The following ABCA13 variants were observed in gnomAD, a reference collection of about 807,000 sequenced individuals.
ABCA13 encodes the protein ATP binding cassette subfamily A member 13.
ABCA13 carries 476 observed loss-of-function variants against 478.7 expected under a neutral mutation model. That is an observed-to-expected ratio of 0.99 (90% CI 0.92 to 1.07). The LOEUF is 1.07. Among genes scored for constraint, ABCA13 ranks in the 50% least tolerant of loss-of-function variants. The pLI is 0.00. For missense variants in ABCA13, 6,060 were observed against 5,910.6 expected (o/e 1.03, Z -0.83); for synonymous variants, 2,252 against 2,158.9 (o/e 1.04, Z -1.20).
At chr7:48,374,560 G>T in intron 34 of ABCA13, 144 bp downstream of exon 34, 1 of 700,478 alleles carries the variant, frequency 1.4e-6, no homozygotes, top group South Asian at 2.0e-5. Flanking sequence ...TTTCACTGTT[G>T]TATACACCTC....
chr7:48,311,866 C>G (rs985708071), intron 24 of ABCA13, among the ~76,000 whole-genome samples: 6 of 152,178 alleles, frequency 3.9e-5, no homozygotes, highest in Admixed American at 2.6e-4. Flanking sequence ...ATTTCTGAAG[C>G]CTTCAGCAAA....
At chr7:48,571,267 A>C (rs1186721278) in intron 55 of ABCA13, among the ~76,000 whole-genome samples, 1 of 152,188 alleles carries the variant, frequency 6.6e-6, no homozygotes, top group East Asian at 1.9e-4. Flanking sequence ...TGGTAATCTT[A>C]ACCAGTGCTT....
In ABCA13 at chr7:48,194,882, T is replaced by C. The variant is rs1797726887; in HGVS notation, c.163+1830T>C. 3.3e-5 allele frequency among the ~76,000 whole-genome samples: 5 copies of C among 152,224 alleles called. No individual in the cohort carries two copies. The South Asian group carries it at 8.3e-4, about 25-fold the overall frequency. ...ATTATTATTATCAATAAATATGTAT[T>C]GAGTGCCTTTTGTGTTTCAGGCTGA... On this transcript the variant is annotated intron_variant, in intron 2 of 61. Transcript: ENST00000435803.
chr7:48,410,918 A>ATTCT (rs1818928695), intron 40 of ABCA13, among the ~76,000 whole-genome samples: 1 of 152,202 alleles, frequency 6.6e-6, no homozygotes, highest in Non-Finnish European at 1.5e-5. Context: ...AGATAACAGG[A>ATTCT]GCTGCTGTGA....
rs1047832073 is a variant in ABCA13, at chr7:48,226,850, G to GT, written c.469-405dup. 1.3e-4 allele frequency among the ~76,000 whole-genome samples: 20 copies of GT among 152,168 alleles called. No individual in the cohort carries two copies. In the East Asian group the frequency reaches 3.9e-3, roughly 29 times the overall value. On this transcript the variant is annotated intron_variant, in intron 5 of 61. Coordinates refer to ENST00000435803, the MANE Select transcript of ABCA13 (RefSeq NM_152701.5). Reference sequence around the variant, plus strand: ...CCATCAGTGCTCAGTGAAATGTTGGGTTTTTTTGTTCATATTTGAATTACT... The same window carrying GT: ...CCATCAGTGCTCAGTGAAATGTTGGGTTTTTTTTGTTCATATTTGAATTACT...
At chr7:48,505,653 T>A (rs10499683) in intron 48 of ABCA13, among the ~76,000 whole-genome samples, 1 of 152,236 alleles carries the variant, frequency 6.6e-6, no homozygotes, top group East Asian at 1.9e-4. Context: ...CAGTCCACAA[T>A]GTCCAAGATA....
intron 19 of ABCA13, among the ~76,000 whole-genome samples, chr7:48,287,242 C>T (rs114655916): frequency 0.022 from 3,320 of 152,216 alleles, 125 homozygotes; most frequent in African/African-American, 0.076. Flanking sequence ...CCTGAGGCTG[C>T]GGAAAGACAT....
intron 27 of ABCA13, among the ~76,000 whole-genome samples, chr7:48,324,167 C>G (rs992320595): frequency 1.3e-5 from 2 of 152,142 alleles, no homozygotes; most frequent in African/African-American, 4.8e-5. Context: ...AATTTATTTT[C>G]TCAACATTGT....
chr7:48,587,429 G>A (rs898923628), intron 57 of ABCA13, 141 bp downstream of exon 57: 1 of 944,320 alleles, frequency 1.1e-6, no homozygotes, highest in Non-Finnish European at 1.5e-6. Flanking sequence ...TTTGCCATAA[G>A]CCAGCATTTC....
chr7:48,276,035 A>G lies in ABCA13; in HGVS notation c.6369A>G (p.Leu2123=), dbSNP rs184634193. Residue 2123 remains leucine (L), a synonymous_variant, in exon 17 of 62, where the codon CTA becomes CTG. Transcript: ENST00000435803. ...LKTLEIIEDF[L]LVTKNWLQEY... ...CATTAGAAATTATTGAAGATTTTCT[A>G]TTGGTCACAAAAAACTGGCTTCAGG... is the stretch of plus-strand genomic sequence containing the variant. 2.1e-4 allele frequency: 337 copies of G among 1,609,404 alleles called. 2 individuals carry two copies. The East Asian group carries it at 6.9e-3, about 33-fold the overall frequency.
rs187575663 is a variant in ABCA13 at position 48,427,746 on chromosome 7, C to T, written c.12460-20C>T. Reference sequence around the variant, plus strand: ...TATAGAAACATAAAATAATACATGGCGTTTTTTTTTCTCCGAAAGGTGTTT... The same window carrying T: ...TATAGAAACATAAAATAATACATGGTGTTTTTTTTTCTCCGAAAGGTGTTT... On this transcript the variant is annotated intron_variant, in intron 41 of 61. Transcript: ENST00000435803. 1.5e-3 allele frequency: 2,222 copies of T among 1,467,838 alleles called. 2 individuals are homozygous for T. Among genetic ancestry groups the T allele is most frequent in the Non-Finnish European group, 1.9e-3 (2,025 of 1,050,792 alleles). The allele number at this position is 1,467,838 out of a possible 1,614,324, so 90.9% of individuals were successfully genotyped here.
intron 41 of ABCA13, among the ~76,000 whole-genome samples, chr7:48,416,408 G>A (rs1464515321): frequency 1.3e-5 from 2 of 152,146 alleles, no homozygotes; most frequent in Non-Finnish European, 2.9e-5. Context: ...GACAGAGCCT[G>A]CAGGGCCACG....
chr7:48,326,375 C>T (rs571922563), intron 27 of ABCA13, among the ~76,000 whole-genome samples: 19 of 152,280 alleles, frequency 1.2e-4, no homozygotes, highest in East Asian at 5.8e-4. Context: ...AATAACTAGC[C>T]GGCTGTAAAT....
intron 1 of ABCA13, among the ~76,000 whole-genome samples, chr7:48,175,769 G>C (rs924274913): frequency 2.0e-5 from 3 of 152,120 alleles, no homozygotes; most frequent in African/African-American, 7.2e-5. Flanking sequence ...GTCATATAGA[G>C]CACTGGAACT....
chr7:48,403,362 G>A (rs1039611522), intron 38 of ABCA13, among the ~76,000 whole-genome samples: 1 of 152,160 alleles, frequency 6.6e-6, no homozygotes, highest in African/African-American at 2.4e-5. Flanking sequence ...GGGATGCAGG[G>A]CCCTCCCTGG....
chr7:48,344,097 G>T (rs1425510661), intron 29 of ABCA13, among the ~76,000 whole-genome samples: 2 of 152,194 alleles, frequency 1.3e-5, no homozygotes, highest in South Asian at 4.1e-4. Context: ...GTGATTTGGT[G>T]AGTAGAAGTT....
chr7:48,628,018 A>G (rs1269048703), intron 59 of ABCA13, among the ~76,000 whole-genome samples: 2 of 152,140 alleles, frequency 1.3e-5, no homozygotes, highest in African/African-American at 4.8e-5. Context: ...ACATTGAGGA[A>G]TTGAGGTTCT....
intron 48 of ABCA13, among the ~76,000 whole-genome samples, chr7:48,499,284 A>G (rs1274772788): frequency 6.6e-6 from 1 of 152,202 alleles, no homozygotes; most frequent in Admixed American, 6.5e-5. Flanking sequence ...TTACTCTTAC[A>G]TATTTCACTG....
intron 27 of ABCA13, among the ~76,000 whole-genome samples, chr7:48,333,708 G>A (rs1487382358): frequency 1.3e-5 from 2 of 152,176 alleles, no homozygotes; most frequent in African/African-American, 2.4e-5. Flanking sequence ...GCTGCAGTAT[G>A]AAAGGACAGA....
Sources: gnomAD v4.1 joint callset for allele counts (sites outside exome capture counted in the v4.1 genomes callset) on GRCh38, gnomAD v4.1.1 for gene constraint, MANE v1.5 for transcripts, NCBI Gene and HGNC (gene_info 2026-07-23, HGNC 2026-07-21) for gene names.